The following CNOT11 variants were observed in gnomAD, a reference collection of about 807,000 sequenced individuals.
CNOT11 encodes CCR4-NOT transcription complex subunit 11.
CNOT11 carries 18 observed loss-of-function variants against 44.6 expected under a neutral mutation model. The ratio of observed to expected loss-of-function variants is 0.40; its 90% CI spans 0.28 to 0.60. The LOEUF (loss-of-function observed/expected upper bound fraction) is 0.60, where lower values mean the gene tolerates loss of function less well. Ranked by LOEUF, CNOT11 falls within the 20% of genes least tolerant of loss-of-function variation. The probability of loss-of-function intolerance (pLI) is 0.38; values close to 1 mark genes in which losing one functional copy is unlikely to be tolerated. For synonymous variants in CNOT11, 291 were observed against 270.9 expected (o/e 1.07, Z -0.73); for missense variants, 513 against 677.0 (o/e 0.76, Z 2.69).
chr2:101,255,885 C>A (rs1244017894), intron 1 of CNOT11, among the ~76,000 whole-genome samples: 1 of 152,122 alleles, frequency 6.6e-6, no homozygotes, highest in Admixed American at 6.5e-5. Context: ...TGCCTGCAAT[C>A]CCAGCACTTT....
In CNOT11 at chr2:101,262,667, A is replaced by G. The variant is rs1220374029; in HGVS notation, c.808A>G (p.Ser270Gly). 1 of 1,614,094 alleles carries G rather than the reference A, an allele frequency of 6.2e-7. No homozygotes were observed. The highest frequency in any genetic ancestry group is 1.1e-5 in the South Asian group (1 of 91,064). The change falls in exon 3 of 7, where the codon AGC (serine) becomes GGC (glycine). Residue 270 changes from serine (S) to glycine (G), a missense_variant. Physicochemically the swap from Ser to Gly is moderately conservative, Grantham distance 56 (BLOSUM62 0). Around this residue, in one of 4 missense-constraint regions of CNOT11, gnomAD observed 140 missense variants for 169.8 expected, o/e 0.82. Transcript: ENST00000289382. ...VASQITEALV[S>G]GPKPPIESHF... ...CTCTCAGATCACAGAAGCTTTAGTC[A>G]GCGGACCAAAGCCACCTATTGAAAG...
intron 2 of CNOT11, among the ~76,000 whole-genome samples, chr2:101,262,070 G>A (rs961539422): frequency 3.9e-5 from 6 of 151,924 alleles, no homozygotes; most frequent in South Asian, 2.1e-4. Flanking sequence ...GGATGGTCTC[G>A]ATCTCCTGAC....
rs1240492388 is a variant in CNOT11 at position 101,253,708 on chromosome 2, C to T, written c.514+230C>T. On this transcript the variant is annotated intron_variant, in intron 1 of 6. Coordinates refer to ENST00000289382, the MANE Select transcript of CNOT11 (RefSeq NM_017546.5). This position sits in a 1 kb window ranked among gnomAD's most constrained non-coding sequence, Gnocchi z 4.3. The stretch of plus-strand genomic sequence containing the variant: ...GTTCGTGACACCGAAAATGATTTCT[C>T]TATACACCCCATCACATCATACAGC... 6.6e-6 allele frequency among the ~76,000 whole-genome samples: 1 copy of T among 152,218 alleles called. No homozygotes were observed. Among genetic ancestry groups the T allele is most frequent in the Non-Finnish European group, 1.5e-5 (1 of 68,044 alleles).
chr2:101,268,901 A>G, intron 5 of CNOT11, 139 bp from the exon 6 acceptor site: 1 of 597,998 alleles, frequency 1.7e-6, no homozygotes, highest in Non-Finnish European at 3.0e-6. Context: ...AATTTGCCCA[A>G]GTATATTTAA....
intron 5 of CNOT11, among the ~76,000 whole-genome samples, chr2:101,267,600 C>T (rs924920701): frequency 3.3e-5 from 5 of 152,150 alleles, no homozygotes; most frequent in African/African-American, 1.2e-4. Flanking sequence ...CCTTTCTGAC[C>T]CCCAGGCTCC....
intron 2 of CNOT11, among the ~76,000 whole-genome samples, chr2:101,258,531 G>A (rs1681783994): frequency 6.6e-6 from 1 of 151,898 alleles, no homozygotes; most frequent in Non-Finnish European, 1.5e-5. Flanking sequence ...GAAGAAAGCT[G>A]GATAAAATTT....
rs754660121 is a variant in CNOT11, at chr2:101,264,939, G to A, written c.927G>A (p.Ala309=). 9.9e-6 allele frequency: 16 copies of A among 1,613,986 alleles called. No individual in the cohort carries two copies. The highest frequency in any genetic ancestry group is 1.6e-4 in the Middle Eastern group (1 of 6,084). Residue 309 remains alanine (A), a synonymous_variant, in exon 4 of 7, where the codon GCG becomes GCA. Coordinates refer to ENST00000289382, the MANE Select transcript of CNOT11 (RefSeq NM_017546.5). The stretch of plus-strand genomic sequence containing the variant: ...TAAACCCCACGGAGCCTGACCACGC[G>A]ATCCAGTGGGATAAATCGATGTGTG... The part of the protein sequence containing the change: ...AWLNPTEPDH[A]IQWDKSMCVK...
In CNOT11 at chr2:101,270,232, G is replaced by A. The variant is rs1187670436; in HGVS notation, c.*819G>A. On this transcript the variant is annotated 3_prime_UTR_variant, in exon 7 of 7. Transcript: ENST00000289382. The stretch of plus-strand genomic sequence containing the variant: ...GGATGTGGGTTTGAGAAGTAGGAGA[G>A]CAGGGTGGTACCGTGTGGGCTCTTA... 3 of 152,630 alleles carry A rather than the reference G, an allele frequency of 2.0e-5. No homozygotes were observed. The highest frequency in any genetic ancestry group is 7.2e-5 in the African/African-American group (3 of 41,430). The allele number at this position is 152,630 out of a possible 1,614,324, so 9.5% of individuals were successfully genotyped here. A position where few individuals can be genotyped will look rare whatever the true frequency, so the allele number is the denominator to read the frequency against.
Position 101,260,492 on chromosome 2 carries a change from T to C in CNOT11, c.680-2047T>C, listed in dbSNP as rs558397271. ...GCTGCCTGCCGTCCTCTACCCAGAT[T>C]GCAGATGTCCGGATCCATTCCTCTT... On this transcript the variant is annotated intron_variant, in intron 2 of 6. Coordinates refer to ENST00000289382, the MANE Select transcript of CNOT11 (RefSeq NM_017546.5). 4.6e-5 allele frequency among the ~76,000 whole-genome samples: 7 copies of C among 152,278 alleles called. No homozygotes were observed. In the East Asian group the frequency reaches 9.6e-4, roughly 21 times the overall value.
intron 1 of CNOT11, 100 bp from the exon 2 acceptor site, chr2:101,257,691 T>C (rs978590185): frequency 1.8e-5 from 16 of 874,330 alleles, no homozygotes; most frequent in Non-Finnish European, 2.5e-5. Context: ...CTTAAAACTA[T>C]GTGGCTTGAA....
At chr2:101,261,842 TTC>T (rs1326754717) in intron 2 of CNOT11, among the ~76,000 whole-genome samples, 10 of 129,346 alleles carry the variant, frequency 7.7e-5, no homozygotes, top group South Asian at 7.6e-4. Flanking sequence ...GTTTCTTTCT[TTC>T]TTTTTTTTTT....
At chr2:101,254,616 C>G (rs978001118) in intron 1 of CNOT11, among the ~76,000 whole-genome samples, 2 of 152,140 alleles carry the variant, frequency 1.3e-5, no homozygotes, top group Non-Finnish European at 2.9e-5. Flanking sequence ...CTAGGTGGCT[C>G]ACGCCTATAA....
chr2:101,266,209 G>GCTCCGGCTTCCCA (rs1558769575), intron 4 of CNOT11, among the ~76,000 whole-genome samples: 5 of 152,150 alleles, frequency 3.3e-5, no homozygotes, highest in African/African-American at 7.2e-5. Flanking sequence ...CCGGATTCCC[G>GCTCCGGCTTCCCA]CTCCGGCTTC....
intron 1 of CNOT11, among the ~76,000 whole-genome samples, chr2:101,255,860 G>A (rs772999037): frequency 2.0e-5 from 3 of 152,136 alleles, no homozygotes; most frequent in Admixed American, 6.5e-5. Flanking sequence ...GTGTAAGGCC[G>A]GGTGTGGTAG....
chr2:101,257,681 C>A, intron 1 of CNOT11, 110 bp from the exon 2 acceptor site: 1 of 800,964 alleles, frequency 1.2e-6, no homozygotes, highest in East Asian at 2.5e-5. Flanking sequence ...TAATTTAGTT[C>A]TTAAAACTAT....
intron 2 of CNOT11, among the ~76,000 whole-genome samples, chr2:101,262,243 G>C (rs1681881368): frequency 6.6e-6 from 1 of 152,166 alleles, no homozygotes; most frequent in South Asian, 2.1e-4. Context: ...GCAGATTTAA[G>C]TGAAGTGATG....
chr2:101,258,756 G>T (rs1382054371), intron 2 of CNOT11, among the ~76,000 whole-genome samples: 2 of 150,584 alleles, frequency 1.3e-5, no homozygotes, highest in Non-Finnish European at 2.9e-5. Context: ...GGAGGTTGCA[G>T]TGAGCTGAGA....
At position 101,253,122 on chromosome 2, in the gene CNOT11, G is replaced by T; in HGVS notation, c.158G>T (p.Gly53Val). 6.5e-7 allele frequency: 1 copy of T among 1,538,050 alleles called. No homozygotes were observed. The highest frequency in any genetic ancestry group is 8.7e-7 in the Non-Finnish European group (1 of 1,149,974). ...GASGPGSGSGGPGGPAGRMSL... is the reference protein window; with the variant it reads ...GASGPGSGSGVPGGPAGRMSL... ...AGCGGCCCCGGGTCCGGGAGCGGAG[G>T]CCCGGGGGGCCCCGCGGGCAGGATG... is the stretch of plus-strand genomic sequence containing the variant. The change falls in exon 1 of 7, where the codon GGC becomes GTC. Residue 53 changes from glycine to valine, a missense_variant. Coordinates refer to ENST00000289382, the MANE Select transcript of CNOT11 (RefSeq NM_017546.5). This position sits in a 1 kb window ranked among gnomAD's most constrained non-coding sequence, Gnocchi z 4.3.
chr2:101,262,644 C>T lies in CNOT11; in HGVS notation c.785C>T (p.Ser262Phe), dbSNP rs148773907. 613 of 1,614,134 alleles carry T rather than the reference C, an allele frequency of 3.8e-4. No individual in the cohort carries two copies. The highest frequency in any genetic ancestry group is 3.5e-4 in the Non-Finnish European group (413 of 1,179,992). Residue 262 changes from serine (S) to phenylalanine (F), a missense_variant, in exon 3 of 7, where the codon TCT (serine) becomes TTT (phenylalanine). Around this residue, in one of 4 missense-constraint regions of CNOT11, gnomAD observed 140 missense variants for 169.8 expected, o/e 0.82. Coordinates refer to ENST00000289382, the MANE Select transcript of CNOT11 (RefSeq NM_017546.5). Reference protein sequence around the residue: ...SNSGFDSSVASQITEALVSGP... With the variant: ...SNSGFDSSVAFQITEALVSGP... The stretch of plus-strand genomic sequence containing the variant: ...TCTGGATTTGACAGCTCAGTTGCCT[C>T]TCAGATCACAGAAGCTTTAGTCAGC...
Sources: gnomAD v4.1 joint callset for allele counts (sites outside exome capture counted in the v4.1 genomes callset) on GRCh38, gnomAD v4.1.1 for gene constraint, gnomAD v4.1.1 regional missense constraint, Gnocchi (gnomAD v3.1) non-coding constraint, MANE v1.5 for transcripts, NCBI Gene and HGNC (gene_info 2026-07-23, HGNC 2026-07-21) for gene names.